Variants in CCDC92B observed in about 807,000 individuals in gnomAD.
CCDC92B encodes coiled-coil domain-containing 92B.
Under a neutral mutation model 5.6 loss-of-function variants are expected in CCDC92B, and 2 were observed. The ratio of observed to expected loss-of-function variants is 0.36; its 90% CI spans 0.15 to 1.12. The LOEUF is 1.12. CCDC92B is among the 50% of genes most tolerant of loss of function. CCDC92B has a pLI of 0.40. For synonymous variants in CCDC92B, 115 were observed against 122.3 expected (o/e 0.94, Z 0.39); for missense variants, 271 against 262.2 (o/e 1.03, Z -0.23).
In CCDC92B at chr17:2,724,330, C is replaced by A. The variant is rs1037934364; in HGVS notation, c.*81G>T. ...GAGGAGGGGCGGCTGCCCTCCGACC[C>A]GGGACCTGCCTGCGGGGACCGAGCT... On this transcript the variant is annotated 3_prime_UTR_variant, in exon 4 of 4. Coordinates refer to ENST00000614400, the MANE Select transcript of CCDC92B (RefSeq NM_001355573.2). The surrounding 1 kb of genome is among the most constrained non-coding windows in gnomAD (Gnocchi z 5.0). The A allele has an allele frequency of 1.0e-6, 1 of 985,134 alleles. No individual in the cohort carries two copies. 61.0% of individuals were successfully genotyped at this position (985,134 alleles called of 1,614,324 possible). A position where few individuals can be genotyped will look rare whatever the true frequency, so the allele number is the denominator to read the frequency against.
intron 2 of CCDC92B, among the ~76,000 whole-genome samples, chr17:2,732,094 T>C (rs2070800252): frequency 6.6e-6 from 1 of 152,228 alleles, no homozygotes; most frequent in South Asian, 2.1e-4. Flanking sequence ...AACAGCGGGC[T>C]TGGCCCAGGG....
intron 1 of CCDC92B, chr17:2,748,628 A>G: frequency 3.1e-6 from 3 of 982,480 alleles, no homozygotes; most frequent in Non-Finnish European, 3.6e-6. Context: ...TGCAAGGAAC[A>G]GGCCCACAAT....
intron 2 of CCDC92B, among the ~76,000 whole-genome samples, chr17:2,732,752 G>A (rs1333735356): frequency 1.3e-5 from 2 of 150,756 alleles, no homozygotes; most frequent in Admixed American, 6.6e-5. Flanking sequence ...GGTGGCTCAC[G>A]CCTGTAATCT....
intron 1 of CCDC92B, chr17:2,748,466 G>A (rs754417377): frequency 5.4e-5 from 51 of 948,770 alleles, no homozygotes; most frequent in Non-Finnish European, 6.1e-5. Flanking sequence ...ATGCCTGCAC[G>A]CACCTGGCTT....
At chr17:2,742,417 G>A (rs2070935575) in intron 1 of CCDC92B, among the ~76,000 whole-genome samples, 1 of 152,288 alleles carries the variant, frequency 6.6e-6, no homozygotes. Flanking sequence ...GCCTGGATGA[G>A]ATGATGGAGG....
At chr17:2,733,779 CAG>C (rs1221040171) in intron 2 of CCDC92B, among the ~76,000 whole-genome samples, 4 of 75,774 alleles carry the variant, frequency 5.3e-5, no homozygotes, top group African/African-American at 2.0e-4. Context: ...TTTTTTGAGA[CAG>C]AGTTTCACTC....
Position 2,724,847 on chromosome 17 carries a change from C to A in CCDC92B, c.332G>T (p.Arg111Leu), listed in dbSNP as rs1272899947. The change falls in exon 4 of 4, where the codon CGC becomes CTC. Residue 111 changes from arginine to leucine, a missense_variant. Coordinates refer to ENST00000614400, the MANE Select transcript of CCDC92B (RefSeq NM_001355573.2). This position sits in a 1 kb window ranked among gnomAD's most constrained non-coding sequence, Gnocchi z 5.0. ...GCGGCGGCGCAGCTCCTCCAGGAAG[C>A]GGCGCTCCTCGGTGCGCAGGCTGCA... The part of the protein sequence containing the change: ...LRCSLRTEER[R>L]FLEELRRRSH... 1.0e-6 allele frequency: 1 copy of A among 985,016 alleles called. No homozygotes were observed. The highest frequency in any genetic ancestry group is 1.7e-5 in the African/African-American group (1 of 57,196). The allele number at this position is 985,016 out of a possible 1,614,324, so 61.0% of individuals were successfully genotyped here.
chr17:2,724,061 C>G lies in CCDC92B; in HGVS notation c.*350G>C. On this transcript the variant is annotated 3_prime_UTR_variant, in exon 4 of 4. Coordinates refer to ENST00000614400, the MANE Select transcript of CCDC92B (RefSeq NM_001355573.2). The surrounding 1 kb of genome is among the most constrained non-coding windows in gnomAD (Gnocchi z 5.0). ...TAGGCGAGCCCAGCCCTCCCCACCC[C>G]ACCAAGGATTGTCGGCTTTCCCGGG... 1.0e-6 allele frequency: 1 copy of G among 985,302 alleles called. No homozygotes were observed. Among genetic ancestry groups the G allele is most frequent in the Non-Finnish European group, 1.2e-6 (1 of 829,864 alleles). 61.0% of individuals were successfully genotyped at this position (985,302 alleles called of 1,614,324 possible). A position where few individuals can be genotyped will look rare whatever the true frequency, so the allele number is the denominator to read the frequency against.
Position 2,721,038 on chromosome 17 carries a change from C to T in CCDC92B, c.*3373G>A, listed in dbSNP as rs1266097312. 6.6e-6 allele frequency: 1 copy of T among 152,242 alleles called. No homozygotes were observed. Among genetic ancestry groups the T allele is most frequent in the Non-Finnish European group, 1.5e-5 (1 of 68,088 alleles). 9.4% of individuals were successfully genotyped at this position (152,242 alleles called of 1,614,324 possible). ...GTCCAGGAGAAGGTGCTTGGAGACC[C>T]CCGGCTCCCCGCGCTTCGAAGCTGC... On this transcript the variant is annotated 3_prime_UTR_variant, in exon 4 of 4. Coordinates refer to ENST00000614400, the MANE Select transcript of CCDC92B (RefSeq NM_001355573.2).
chr17:2,738,008 C>T (rs1016679803), intron 1 of CCDC92B, among the ~76,000 whole-genome samples: 4 of 152,110 alleles, frequency 2.6e-5, no homozygotes, highest in South Asian at 2.1e-4. Flanking sequence ...CCAAGTCTTA[C>T]GAATCCAGAG....
intron 1 of CCDC92B, among the ~76,000 whole-genome samples, chr17:2,739,061 ACT>A (rs1340182580): frequency 6.8e-6 from 1 of 147,082 alleles, no homozygotes; most frequent in African/African-American, 2.6e-5. Flanking sequence ...ATAGAGCAAG[ACT>A]CTGTCTCAAA....
At chr17:2,748,493 GTCT>G (rs1378847581) in intron 1 of CCDC92B, 3 of 948,872 alleles carry the variant, frequency 3.2e-6, no homozygotes, top group Non-Finnish European at 3.7e-6. Flanking sequence ...AAAGCCATAA[GTCT>G]TCATCGTGTT....
In CCDC92B at chr17:2,723,976, AGGC is replaced by A; in HGVS notation, c.*432_*434del. On this transcript the variant is annotated 3_prime_UTR_variant, in exon 4 of 4. Coordinates refer to ENST00000614400, the MANE Select transcript of CCDC92B (RefSeq NM_001355573.2). Reference sequence around the variant, plus strand: ...AAGGGCGTCGGCGCGGGGGTGGGGGAGGCGGGGGGTGGGGAGCTAGAGGGCCTG... The same window carrying A: ...AAGGGCGTCGGCGCGGGGGTGGGGGAGGGGGGTGGGGAGCTAGAGGGCCTG... The A allele has an allele frequency of 1.5e-5, 6 of 408,992 alleles. No individual in the cohort carries two copies. The highest frequency in any genetic ancestry group is 1.6e-5 in the Non-Finnish European group (6 of 372,248). The allele number at this position is 408,992 out of a possible 1,614,324, so 25.3% of individuals were successfully genotyped here. A position where few individuals can be genotyped will look rare whatever the true frequency, so the allele number is the denominator to read the frequency against.
At chr17:2,733,774 T>TTTTTTTA (rs869196746) in intron 2 of CCDC92B, among the ~76,000 whole-genome samples, 1 of 96,916 alleles carries the variant, frequency 1.0e-5, no homozygotes, top group African/African-American at 3.5e-5. Flanking sequence ...TTTTTTTTTT[T>TTTTTTTA]GAGACAGAGT....
Position 2,724,599 on chromosome 17 carries a change from A to C in CCDC92B, c.580T>G (p.Trp194Gly). The change falls in exon 4 of 4, where the codon TGG (tryptophan) becomes GGG (glycine). Residue 194 changes from tryptophan to glycine, a missense_variant. Physicochemically the swap from Trp to Gly is radical, Grantham distance 184. Coordinates refer to ENST00000614400, the MANE Select transcript of CCDC92B (RefSeq NM_001355573.2). This position sits in a 1 kb window ranked among gnomAD's most constrained non-coding sequence, Gnocchi z 5.0. ...TCGAGGGCGCCGGCCCCGCGGTCCC[A>C]GGCGGCCCAGTCCCGGCCGGGGCCC... ...AKGPGRDWAA[W>G]DRGAGALDDA... 2 of 981,760 alleles carry C rather than the reference A, an allele frequency of 2.0e-6. No individual in the cohort carries two copies. Among genetic ancestry groups the C allele is most frequent in the Non-Finnish European group, 2.4e-6 (2 of 828,370 alleles). 60.8% of individuals were successfully genotyped at this position (981,760 alleles called of 1,614,324 possible).
chr17:2,731,826 G>A (rs2151739750), intron 2 of CCDC92B, among the ~76,000 whole-genome samples: 1 of 152,362 alleles, frequency 6.6e-6, no homozygotes. Context: ...CCTAGGTTCA[G>A]GGATTTGGGA....
chr17:2,739,534 T>C (rs903640357), intron 1 of CCDC92B, among the ~76,000 whole-genome samples: 8 of 150,778 alleles, frequency 5.3e-5, no homozygotes, highest in African/African-American at 2.0e-4. Context: ...CAAAAAAAAT[T>C]AGCTGGGCGT....
chr17:2,748,185 G>A (rs2071009610), intron 1 of CCDC92B: 1 of 549,852 alleles, frequency 1.8e-6, no homozygotes, highest in South Asian at 1.4e-5. Context: ...TTGCTGCTCT[G>A]ATGACAAACT....
At chr17:2,732,228 G>C (rs1349072981) in intron 2 of CCDC92B, among the ~76,000 whole-genome samples, 1 of 152,084 alleles carries the variant, frequency 6.6e-6, no homozygotes, top group Non-Finnish European at 1.5e-5. Context: ...AGCTCCCTGG[G>C]CAGCCTATCC....
Sources: allele counts gnomAD v4.1 joint callset (sites outside exome capture counted in the v4.1 genomes callset), GRCh38; gene constraint gnomAD v4.1.1; non-coding constraint Gnocchi (gnomAD v3.1); transcripts MANE v1.5; gene names NCBI Gene and HGNC (gene_info 2026-07-23, HGNC 2026-07-21).